AFG2A: variants seen among roughly 807,000 people sequenced by gnomAD.
AFG2A encodes ATPase family gene 2 protein homolog A.
chr4:122,964,737 GT>G, the AFG2A span, among the ~76,000 whole-genome samples: 1 of 152,140 alleles, frequency 6.6e-6, no homozygotes, highest in South Asian at 2.1e-4. Flanking sequence ...GTGATAGAGG[GT>G]TTGGAATAGA....
At chr4:123,112,295 G>A in the AFG2A span, among the ~76,000 whole-genome samples, 1 of 152,126 alleles carries the variant, frequency 6.6e-6, no homozygotes, top group African/African-American at 2.4e-5. Context: ...CAAATAAGGA[G>A]ATAAAGAAAA....
the AFG2A span, among the ~76,000 whole-genome samples, chr4:123,042,334 CAGAG>C: frequency 6.7e-6 from 1 of 149,866 alleles, no homozygotes; most frequent in Non-Finnish European, 1.5e-5. Flanking sequence ...TAGTGGAAAG[CAGAG>C]AGAGAGAGAG....
chr4:123,070,394 C>T, the AFG2A span, among the ~76,000 whole-genome samples: 12 of 152,032 alleles, frequency 7.9e-5, no homozygotes, highest in African/African-American at 2.9e-4. Context: ...TCCCCTTGGG[C>T]TGTTATAACA....
chr4:123,255,715 C>CTTTTTTT, the AFG2A span, among the ~76,000 whole-genome samples: 18 of 103,896 alleles, frequency 1.7e-4, 4 homozygotes, highest in African/African-American at 2.5e-4. Context: ...TACTGCTTTT[C>CTTTTTTT]TATTTTTTTT....
the AFG2A span, chr4:122,979,159 C>T: frequency 1.3e-6 from 2 of 1,523,060 alleles, no homozygotes; most frequent in Admixed American, 2.0e-5. Flanking sequence ...CCAGATGGGC[C>T]ACCGGAGCCA....
At chr4:123,306,408 C>T in the AFG2A span, among the ~76,000 whole-genome samples, 1 of 152,156 alleles carries the variant, frequency 6.6e-6, no homozygotes, top group African/African-American at 2.4e-5. Flanking sequence ...GAAACAAAGG[C>T]ATGTCTTCGT....
chr4:122,955,273 C>T, the AFG2A span, among the ~76,000 whole-genome samples: 97 of 152,270 alleles, frequency 6.4e-4, 1 homozygote, highest in African/African-American at 2.1e-3. Context: ...GGCAACCCTC[C>T]TTTCTTAAGT....
the AFG2A span, among the ~76,000 whole-genome samples, chr4:123,032,909 G>C: frequency 6.6e-6 from 1 of 152,180 alleles, no homozygotes; most frequent in Non-Finnish European, 1.5e-5. Context: ...GCATGTTTAA[G>C]GTGGGCTGAT....
the AFG2A span, among the ~76,000 whole-genome samples, chr4:123,277,867 C>T: frequency 6.6e-6 from 1 of 152,032 alleles, no homozygotes; most frequent in African/African-American, 2.4e-5. Flanking sequence ...CTACTGGATT[C>T]GGTTTGCTAG....
chr4:122,966,163 G>A, the AFG2A span, among the ~76,000 whole-genome samples: 1 of 152,114 alleles, frequency 6.6e-6, no homozygotes. Context: ...AATAGCATTT[G>A]TTGTGTAAAA....
the AFG2A span, chr4:122,935,733 AGTGTT>A: frequency 6.2e-7 from 1 of 1,606,440 alleles, no homozygotes; most frequent in Non-Finnish European, 8.5e-7. Context: ...CCCCTAGAGG[AGTGTT>A]ACTTTATGGT....
At chr4:123,197,986 A>T in the AFG2A span, among the ~76,000 whole-genome samples, 2 of 151,846 alleles carry the variant, frequency 1.3e-5, no homozygotes, top group South Asian at 4.2e-4. Context: ...CATAAGAGAA[A>T]CGAGCCGGGC....
chr4:122,924,957 C>T, the AFG2A span, among the ~76,000 whole-genome samples: 1 of 152,166 alleles, frequency 6.6e-6, no homozygotes, highest in Non-Finnish European at 1.5e-5. Flanking sequence ...TGTCATGAAG[C>T]AGTAACAAAT....
chr4:123,058,818 C>T, the AFG2A span, among the ~76,000 whole-genome samples: 3 of 152,022 alleles, frequency 2.0e-5, no homozygotes, highest in Non-Finnish European at 2.9e-5. Context: ...CATTCCGCCC[C>T]GGCCCCTCCA....
chr4:123,123,963 A>G, the AFG2A span, among the ~76,000 whole-genome samples: 1 of 149,430 alleles, frequency 6.7e-6, no homozygotes, highest in Non-Finnish European at 1.5e-5. Context: ...AAAAAAAAAA[A>G]AAAAAAAAAA....
chr4:123,114,830 T>C, the AFG2A span, among the ~76,000 whole-genome samples: 1 of 152,242 alleles, frequency 6.6e-6, no homozygotes, highest in Non-Finnish European at 1.5e-5. Context: ...GGTGGCATAG[T>C]GGCCCTGGCC....
chr4:122,951,463 C>T, the AFG2A span, among the ~76,000 whole-genome samples: 3 of 152,020 alleles, frequency 2.0e-5, no homozygotes, highest in Admixed American at 6.6e-5. Flanking sequence ...CACACACGCA[C>T]GCACACACAT....
chr4:123,012,627 C>A, the AFG2A span, among the ~76,000 whole-genome samples: 1 of 152,144 alleles, frequency 6.6e-6, no homozygotes. Flanking sequence ...AAGTCTGTGA[C>A]CGGCGCTGGA....
At chr4:123,096,335 T>A in the AFG2A span, among the ~76,000 whole-genome samples, 2 of 152,098 alleles carry the variant, frequency 1.3e-5, no homozygotes, top group Non-Finnish European at 2.9e-5. Context: ...GCTGATGGTC[T>A]GGATTTGCTT....
Sources: gnomAD v4.1 joint callset for allele counts (sites outside exome capture counted in the v4.1 genomes callset) on GRCh38, gnomAD v4.1.1 for gene constraint, MANE v1.5 for transcripts, NCBI Gene and HGNC (gene_info 2026-07-23, HGNC 2026-07-21) for gene names.